Variants in KIAA1671 observed in about 807,000 individuals in gnomAD.
KIAA1671 encodes the protein KIAA1671.
In KIAA1671, 52 loss-of-function variants were observed where a neutral mutation model predicts 131.2. The observed-to-expected ratio is 0.40, with a 90% confidence interval of 0.32 to 0.50. The LOEUF (loss-of-function observed/expected upper bound fraction) is 0.50, where lower values mean the gene tolerates loss of function less well. Ranked by LOEUF, KIAA1671 falls within the 20% of genes least tolerant of loss-of-function variation. The pLI is 0.73. For synonymous variants in KIAA1671, 1,003 were observed against 961.6 expected, an observed-to-expected ratio of 1.04 and a Z score of -0.80; for missense variants, 2,360 against 2,364.2, an observed-to-expected ratio of 1.00 and a Z score of 0.04.
intron 1 of KIAA1671, among the ~76,000 whole-genome samples, chr22:24,987,555 C>T (rs569168934): frequency 3.4e-4 from 51 of 152,174 alleles, no homozygotes; most frequent in Non-Finnish European, 6.0e-4. Context: ...CAGCCTCAAA[C>T]TCCTGGGCTC....
At chr22:25,184,432 G>A (rs1352174995) in intron 10 of KIAA1671, among the ~76,000 whole-genome samples, 3 of 152,184 alleles carry the variant, frequency 2.0e-5, no homozygotes, top group Admixed American at 1.3e-4. Flanking sequence ...GACCCAACAC[G>A]GCCTGGGAGA....
chr22:25,112,762 A>C, intron 6 of KIAA1671: 1 of 181,886 alleles, frequency 5.5e-6, no homozygotes, highest in Non-Finnish European at 1.1e-5. Context: ...GAACACCCCA[A>C]CCCCCGACAC....
At chr22:25,002,094 C>T (rs1287056322) in intron 1 of KIAA1671, among the ~76,000 whole-genome samples, 2 of 152,124 alleles carry the variant, frequency 1.3e-5, no homozygotes, top group Admixed American at 1.3e-4. Context: ...CTTCTCGAAA[C>T]CCTTTCCCAT....
At chr22:25,161,652 G>A (rs1010122055) in intron 6 of KIAA1671, among the ~76,000 whole-genome samples, 12 of 152,208 alleles carry the variant, frequency 7.9e-5, no homozygotes, top group South Asian at 2.1e-4. Context: ...CACGTGTGCC[G>A]AGGCCTTGCT....
At position 25,181,435 on chromosome 22, in the gene KIAA1671, A is replaced by G. The variant is rs1263198791; in HGVS notation, c.5075-264A>G. Among the ~76,000 whole-genome samples the G allele has an allele frequency of 2.6e-5, 4 of 152,178 alleles. No homozygotes were observed. In the East Asian group the frequency reaches 5.8e-4, roughly 22 times the overall value. On this transcript the variant is annotated intron_variant, in intron 9 of 12. Coordinates refer to ENST00000358431, the MANE Select transcript of KIAA1671 (RefSeq NM_001145206.2). Reference sequence around the variant, plus strand: ...CTGACTTGGAATGAGCCAAGGGCCCAGGAGATGGGTTTGCCTCTGTCCTCC... The same window carrying G: ...CTGACTTGGAATGAGCCAAGGGCCCGGGAGATGGGTTTGCCTCTGTCCTCC...
In KIAA1671 at chr22:25,196,171, T is replaced by TAA. The variant is rs1934820079; in HGVS notation, c.*3772_*3773dup. ...AATCCAGAGTTTGCTTTCTTTTGAC[T>TAA]AAATTGGCTCCTGCAGGGGGAAGGG... On this transcript the variant is annotated 3_prime_UTR_variant, in exon 13 of 13. Transcript: ENST00000358431. 1 of 152,180 alleles carries TAA rather than the reference T, an allele frequency of 6.6e-6. No homozygotes were observed. The highest frequency in any genetic ancestry group is 2.4e-5 in the African/African-American group (1 of 41,444). 9.4% of individuals were successfully genotyped at this position (152,180 alleles called of 1,614,324 possible).
At chr22:25,098,210 T>G (rs1293529739) in intron 6 of KIAA1671, among the ~76,000 whole-genome samples, 1 of 151,974 alleles carries the variant, frequency 6.6e-6, no homozygotes, top group Non-Finnish European at 1.5e-5. Flanking sequence ...TTCCTGGAGG[T>G]GGTGACATCA....
intron 1 of KIAA1671, among the ~76,000 whole-genome samples, chr22:24,990,494 ACACACACCATG>A (rs1213307122): frequency 1.5e-4 from 23 of 152,156 alleles, no homozygotes; most frequent in Non-Finnish European, 2.8e-4. Flanking sequence ...CCCTGGCCCC[ACACACACCATG>A]CACACACCAT....
Position 25,040,801 on chromosome 22 carries a change from G to A in KIAA1671, c.3671G>A (p.Ser1224Asn). The A allele has an allele frequency of 1.9e-6, 3 of 1,551,748 alleles. No individual in the cohort carries two copies. Among genetic ancestry groups the A allele is most frequent in the Middle Eastern group, 1.7e-4 (1 of 5,992 alleles). Reference sequence around the variant, plus strand: ...CCTGGGGAGGCTCAGGAGAGGAGGAGTCCCACCGTGGAGCCCAGTACGTTG... The same window carrying A: ...CCTGGGGAGGCTCAGGAGAGGAGGAATCCCACCGTGGAGCCCAGTACGTTG... ...KVPGEAQERR[S>N]PTVEPSTLPR... is the part of the protein sequence containing the mutation. Residue 1224 changes from serine to asparagine, a missense_variant, in exon 5 of 13, where the codon AGT becomes AAT. By Grantham distance (46) the Ser-to-Asn change is conservative. Transcript: ENST00000358431.
chr22:25,150,303 C>A (rs1003905194), intron 6 of KIAA1671, among the ~76,000 whole-genome samples: 8 of 152,212 alleles, frequency 5.3e-5, no homozygotes, highest in South Asian at 2.1e-4. Flanking sequence ...AGGGTGGCTG[C>A]TTTCTGCCTG....
At chr22:25,030,774 T>C (rs76192804) in intron 3 of KIAA1671, among the ~76,000 whole-genome samples, 14,364 of 152,246 alleles carry the variant, frequency 0.094, 898 homozygotes, top group South Asian at 0.23. Context: ...GAGATGCCAC[T>C]CGGCATGATC....
intron 1 of KIAA1671, among the ~76,000 whole-genome samples, chr22:24,953,862 G>A (rs1269516692): frequency 1.3e-5 from 2 of 152,176 alleles, no homozygotes; most frequent in Non-Finnish European, 2.9e-5. Flanking sequence ...GGAAAGGACT[G>A]TACCTGTTGC....
intron 6 of KIAA1671, among the ~76,000 whole-genome samples, chr22:25,122,427 C>T (rs115254526): frequency 0.064 from 9,789 of 152,190 alleles, 346 homozygotes; most frequent in East Asian, 0.12. Flanking sequence ...GAGATTTCTG[C>T]ATAAACTGCC....
chr22:25,072,661 C>A (rs1452094924), intron 6 of KIAA1671, among the ~76,000 whole-genome samples: 1 of 152,170 alleles, frequency 6.6e-6, no homozygotes, highest in Non-Finnish European at 1.5e-5. Flanking sequence ...AGCCCCGTGG[C>A]CTTGGGAAGT....
At chr22:24,966,545 A>C (rs1922317237) in intron 1 of KIAA1671, among the ~76,000 whole-genome samples, 1 of 152,202 alleles carries the variant, frequency 6.6e-6, no homozygotes, top group Non-Finnish European at 1.5e-5. Context: ...TTTAGGCCCC[A>C]GCACTGGAAA....
Position 25,032,685 on chromosome 22 carries a change from C to T in KIAA1671, c.1618C>T (p.Pro540Ser), listed in dbSNP as rs1926357488. 2 of 1,544,716 alleles carry T rather than the reference C, an allele frequency of 1.3e-6. No homozygotes were observed. Among genetic ancestry groups the T allele is most frequent in the African/African-American group, 1.4e-5 (1 of 72,900 alleles). ...GCTGAGCGGCGAGTTTCCTAAGGAA[C>T]CGAGAGAAAAGGTAAGGAGTGGCTG... ...AELSGEFPKEPREKQKEGHSL... is the reference protein window; with the variant it reads ...AELSGEFPKESREKQKEGHSL... Residue 540 changes from proline to serine, a missense_variant, in exon 4 of 13, where the codon CCG becomes TCG. By Grantham distance (74) the Pro-to-Ser change is moderately conservative (BLOSUM62 -1). Coordinates refer to ENST00000358431, the MANE Select transcript of KIAA1671 (RefSeq NM_001145206.2).
chr22:25,196,719 A>C lies in KIAA1671; in HGVS notation c.*4318A>C, dbSNP rs1934839767. On this transcript the variant is annotated 3_prime_UTR_variant, in exon 13 of 13. Coordinates refer to ENST00000358431, the MANE Select transcript of KIAA1671 (RefSeq NM_001145206.2). ...CCAAAGTGCTGGGATTACAGGCCTGAGCCACCATGCCCAGCTGAATTTGAG... is the reference window on the plus strand; with the variant it reads ...CCAAAGTGCTGGGATTACAGGCCTGCGCCACCATGCCCAGCTGAATTTGAG... 6.6e-6 allele frequency: 1 copy of C among 152,186 alleles called. No homozygotes were observed. Among genetic ancestry groups the C allele is most frequent in the African/African-American group, 2.4e-5 (1 of 41,442 alleles). 9.4% of individuals were successfully genotyped at this position (152,186 alleles called of 1,614,324 possible).
At chr22:25,164,627 A>G (rs1225204632) in intron 6 of KIAA1671, among the ~76,000 whole-genome samples, 1 of 152,172 alleles carries the variant, frequency 6.6e-6, no homozygotes, top group East Asian at 1.9e-4. Context: ...CCTGCCTTAA[A>G]GCTAATAAAA....
chr22:24,969,876 G>C (rs917515862), intron 1 of KIAA1671, among the ~76,000 whole-genome samples: 3 of 152,204 alleles, frequency 2.0e-5, no homozygotes, highest in Non-Finnish European at 4.4e-5. Flanking sequence ...GTGAAGGTCT[G>C]TGCACTGTTT....
Sources: allele counts gnomAD v4.1 joint callset (sites outside exome capture counted in the v4.1 genomes callset), GRCh38; gene constraint gnomAD v4.1.1; transcripts MANE v1.5; gene names NCBI Gene and HGNC (gene_info 2026-07-23, HGNC 2026-07-21).